PCBP3: variants seen among roughly 807,000 people sequenced by gnomAD.
PCBP3 encodes the protein poly(rC) binding protein 3.
PCBP3 carries 25 observed loss-of-function variants against 52.7 expected under a neutral mutation model. The ratio of observed to expected loss-of-function variants is 0.47; its 90% CI spans 0.35 to 0.66. The LOEUF is 0.66. Among genes scored for constraint, PCBP3 ranks in the 30% least tolerant of loss-of-function variants. PCBP3 has a pLI of 0.01. For synonymous variants in PCBP3, 162 were observed against 183.0 expected, an observed-to-expected ratio of 0.89 and a Z score of 0.93; for missense variants, 391 against 490.3, an observed-to-expected ratio of 0.80 and a Z score of 1.91.
At position 45,667,322 on chromosome 21, in the gene PCBP3, T is replaced by C. The variant is rs2080875488; in HGVS notation, c.-278-1552T>C. ...CATGGTTGGCCATCTGTTGGTATTC[T>C]TGGTGGTTTCCCACAGGGCTCTGAG... is the stretch of plus-strand genomic sequence containing the variant. On this transcript the variant is annotated intron_variant, in intron 1 of 17. Coordinates refer to ENST00000681687, the MANE Select transcript of PCBP3 (RefSeq NM_001384156.1). Among the ~76,000 whole-genome samples, 7 of 152,062 alleles carry C rather than the reference T, an allele frequency of 4.6e-5. No homozygotes were observed. The South Asian group carries it at 1.5e-3, about 32-fold the overall frequency.
Position 45,913,936 on chromosome 21 carries a change from T to C in PCBP3, c.601-15T>C. 1 of 1,606,724 alleles carries C rather than the reference T, an allele frequency of 6.2e-7. No individual in the cohort carries two copies. The highest frequency in any genetic ancestry group is 8.5e-7 in the Non-Finnish European group (1 of 1,177,336). ...GCTCTAACGCTCTCTCTCCCTCTCC[T>C]GTCCCTTTTCCTAGTCCCCACCGAA... On this transcript the variant is annotated splice_polypyrimidine_tract_variant and intron_variant, in intron 11 of 17. Transcript: ENST00000681687.
rs369993490 is a variant in PCBP3 at position 45,660,433 on chromosome 21, T to C, written c.-278-8441T>C. ...ATTTAGACAATTTCTGTGCTTATAT[T>C]GGAATGTTTAATCCATTTACATTTA... On this transcript the variant is annotated intron_variant, in intron 1 of 17. Coordinates refer to ENST00000681687, the MANE Select transcript of PCBP3 (RefSeq NM_001384156.1). Among the ~76,000 whole-genome samples the C allele has an allele frequency of 1.2e-3, 182 of 152,308 alleles. 1 individual carries two copies. Among genetic ancestry groups the C allele is most frequent in the Middle Eastern group, 6.8e-3 (2 of 294 alleles).
chr21:45,862,690 T>C (rs1476954046), intron 5 of PCBP3, among the ~76,000 whole-genome samples: 1 of 152,250 alleles, frequency 6.6e-6, no homozygotes, highest in Non-Finnish European at 1.5e-5. Context: ...GTGCCTTGTC[T>C]GGCATCAGAA....
intron 5 of PCBP3, chr21:45,859,051 A>G (rs1468118410): frequency 2.6e-5 from 4 of 152,314 alleles, no homozygotes; most frequent in Non-Finnish European, 5.9e-5. Flanking sequence ...AGTCTCGGGT[A>G]TGTCTGTATT....
intron 5 of PCBP3, among the ~76,000 whole-genome samples, chr21:45,877,057 C>A (rs1450404214): frequency 6.6e-6 from 1 of 152,260 alleles, no homozygotes; most frequent in Non-Finnish European, 1.5e-5. Context: ...AATATCCAAA[C>A]CTATTCATCC....
intron 4 of PCBP3, chr21:45,763,313 T>G (rs893155025): frequency 6.6e-6 from 1 of 152,266 alleles, no homozygotes; most frequent in African/African-American, 2.4e-5. Flanking sequence ...CAGCATTCAT[T>G]CCGCTCACGC....
At chr21:45,646,053 TTCTCTCTC>T (rs10682556) in intron 1 of PCBP3, among the ~76,000 whole-genome samples, 153 of 71,540 alleles carry the variant, frequency 2.1e-3, no homozygotes, top group African/African-American at 7.0e-3. Context: ...TGTCACCTGT[TTCTCTCTC>T]TCTCTCTCTC....
Position 45,917,281 on chromosome 21 carries a change from C to T in PCBP3, c.676-307C>T, listed in dbSNP as rs921608500. ...TAATTAGTGGAGACCTCTTACTGGG[C>T]AGATCACTCTTCGATTCTTTTGCTT... On this transcript the variant is annotated intron_variant, in intron 12 of 17. Coordinates refer to ENST00000681687, the MANE Select transcript of PCBP3 (RefSeq NM_001384156.1). This position sits in a 1 kb window ranked among gnomAD's most constrained non-coding sequence, Gnocchi z 5.3. 3 of 342,694 alleles carry T rather than the reference C, an allele frequency of 8.8e-6. No homozygotes were observed. The highest frequency in any genetic ancestry group is 4.4e-5 in the Admixed American group (1 of 22,904). 21.2% of individuals were successfully genotyped at this position (342,694 alleles called of 1,614,324 possible). A position where few individuals can be genotyped will look rare whatever the true frequency, so the allele number is the denominator to read the frequency against.
At chr21:45,895,332 G>T (rs528379923) in intron 5 of PCBP3, among the ~76,000 whole-genome samples, 3 of 152,352 alleles carry the variant, frequency 2.0e-5, no homozygotes, top group African/African-American at 7.2e-5. Context: ...CGATTATGGT[G>T]GGGGGTGCAG....
chr21:45,647,084 G>A (rs2079365330), intron 1 of PCBP3, among the ~76,000 whole-genome samples: 3 of 152,076 alleles, frequency 2.0e-5, no homozygotes. Context: ...AAAAAAGATA[G>A]ATGTCACTTG....
At chr21:45,713,944 A>G (rs1426857631) in intron 2 of PCBP3, among the ~76,000 whole-genome samples, 2 of 152,238 alleles carry the variant, frequency 1.3e-5, no homozygotes, top group Non-Finnish European at 2.9e-5. Flanking sequence ...GGGTATGTGC[A>G]GAGCCACTTG....
In PCBP3 at chr21:45,735,153, C is replaced by CT. The variant is rs1204958689; in HGVS notation, c.-199-236dup. Among the ~76,000 whole-genome samples, 1 of 152,202 alleles carries CT rather than the reference C, an allele frequency of 6.6e-6. No individual in the cohort carries two copies. Among genetic ancestry groups the CT allele is most frequent in the Non-Finnish European group, 1.5e-5 (1 of 68,032 alleles). ...GTTCAGGGACCCTGGGGTTCTGAGTCTTTATCAGTGTCGTGTATGTTCCAG... is the reference window on the plus strand; with the variant it reads ...GTTCAGGGACCCTGGGGTTCTGAGTCTTTTATCAGTGTCGTGTATGTTCCAG... On this transcript the variant is annotated intron_variant, in intron 2 of 17. Coordinates refer to ENST00000681687, the MANE Select transcript of PCBP3 (RefSeq NM_001384156.1). The surrounding 1 kb of genome is among the most constrained non-coding windows in gnomAD (Gnocchi z 4.0).
chr21:45,675,431 G>T (rs2081405017), intron 2 of PCBP3, among the ~76,000 whole-genome samples: 1 of 152,194 alleles, frequency 6.6e-6, no homozygotes, highest in Non-Finnish European at 1.5e-5. Flanking sequence ...ATTAGGCAAA[G>T]AACCAGATTG....
intron 2 of PCBP3, among the ~76,000 whole-genome samples, chr21:45,725,243 C>T (rs1291053617): frequency 6.6e-6 from 1 of 151,710 alleles, no homozygotes; most frequent in African/African-American, 2.4e-5. Flanking sequence ...AGTGCCCTGA[C>T]CTCTGAGCAG....
intron 4 of PCBP3, among the ~76,000 whole-genome samples, chr21:45,757,212 C>T (rs2146475056): frequency 6.6e-6 from 1 of 152,302 alleles, no homozygotes; most frequent in African/African-American, 2.4e-5. Flanking sequence ...CTTTATGGTA[C>T]AGCTATCCAA....
intron 2 of PCBP3, among the ~76,000 whole-genome samples, chr21:45,693,034 C>A (rs755089152): frequency 6.6e-6 from 1 of 152,016 alleles, no homozygotes; most frequent in Non-Finnish European, 1.5e-5. Context: ...AGGAGAAAAA[C>A]CAGACAATTA....
intron 11 of PCBP3, among the ~76,000 whole-genome samples, chr21:45,912,073 C>T (rs1211547125): frequency 6.6e-6 from 1 of 152,210 alleles, no homozygotes; most frequent in Non-Finnish European, 1.5e-5. Context: ...CTCAACAACA[C>T]GTGGGTCTCG....
At chr21:45,812,404 A>T (rs1249369052) in intron 4 of PCBP3, among the ~76,000 whole-genome samples, 1 of 152,034 alleles carries the variant, frequency 6.6e-6, no homozygotes, top group Non-Finnish European at 1.5e-5. Context: ...TTCCCTTAAC[A>T]TTGTGTTGTT....
chr21:45,811,325 A>C lies in PCBP3; in HGVS notation c.-125-38636A>C, dbSNP rs147756774. The stretch of plus-strand genomic sequence containing the variant: ...GCATCCCTTCTGGAGGCTCACGGGG[A>C]GGACTCACCTCCTTGCCTCTTCCAG... On this transcript the variant is annotated intron_variant, in intron 4 of 17. Transcript: ENST00000681687. Among the ~76,000 whole-genome samples the C allele has an allele frequency of 1.6e-3, 237 of 152,334 alleles. 1 individual carries two copies. Among genetic ancestry groups the C allele is most frequent in the Middle Eastern group, 6.8e-3 (2 of 294 alleles).
Sources: gnomAD v4.1 joint callset for allele counts (sites outside exome capture counted in the v4.1 genomes callset) on GRCh38, gnomAD v4.1.1 for gene constraint, Gnocchi (gnomAD v3.1) non-coding constraint, MANE v1.5 for transcripts, NCBI Gene and HGNC (gene_info 2026-07-23, HGNC 2026-07-21) for gene names.